The following SAMD12 variants were observed in gnomAD, a reference collection of about 807,000 sequenced individuals.
SAMD12 encodes the protein sterile alpha motif domain-containing protein 12.
SAMD12 carries 9 observed loss-of-function variants against 15.0 expected under a neutral mutation model. The observed-to-expected ratio is 0.60, with a 90% CI of 0.36 to 1.05. The LOEUF is 1.05. Ranked by LOEUF, SAMD12 falls within the 50% of genes least tolerant of loss-of-function variation. The pLI is 0.01. For missense variants in SAMD12, 230 were observed against 234.2 expected (o/e 0.98, Z 0.12); for synonymous variants, 86 against 90.1 (o/e 0.96, Z 0.25).
At chr8:118,547,523 C>T (rs1826166392) in intron 2 of SAMD12, among the ~76,000 whole-genome samples, 1 of 152,196 alleles carries the variant, frequency 6.6e-6, no homozygotes, top group South Asian at 2.1e-4. Context: ...CCCAAAGATT[C>T]TTGCACCTTA....
chr8:118,324,200 G>GA (rs1257685963), intron 4 of SAMD12, among the ~76,000 whole-genome samples: 3 of 152,162 alleles, frequency 2.0e-5, no homozygotes, highest in Admixed American at 6.5e-5. Flanking sequence ...TAATTCTCCA[G>GA]AAAAGATTTC....
chr8:118,461,904 C>G (rs1823435128), intron 2 of SAMD12, among the ~76,000 whole-genome samples: 1 of 152,172 alleles, frequency 6.6e-6, no homozygotes, highest in Admixed American at 6.5e-5. Flanking sequence ...TGCAATTCTA[C>G]TTTAAGGCCT....
At chr8:118,222,471 T>A (rs1208824342) in intron 4 of SAMD12, among the ~76,000 whole-genome samples, 1 of 152,182 alleles carries the variant, frequency 6.6e-6, no homozygotes, top group Non-Finnish European at 1.5e-5. Context: ...GATTTTATAA[T>A]AATCTAAAAT....
chr8:118,479,337 A>C (rs879673614), intron 2 of SAMD12, among the ~76,000 whole-genome samples: 4 of 152,184 alleles, frequency 2.6e-5, no homozygotes, highest in Non-Finnish European at 5.9e-5. Context: ...CAGAAGAAAA[A>C]TAGGTTGGAT....
intron 4 of SAMD12, among the ~76,000 whole-genome samples, chr8:118,341,629 G>T (rs1017199120): frequency 2.6e-5 from 4 of 152,110 alleles, no homozygotes; most frequent in Admixed American, 2.0e-4. Flanking sequence ...ACCTCTCCTT[G>T]TGTCTTTGCG....
chr8:118,415,994 CT>C (rs372293089), intron 3 of SAMD12, among the ~76,000 whole-genome samples: 111 of 151,654 alleles, frequency 7.3e-4, no homozygotes, highest in African/African-American at 2.5e-3. Context: ...GGCTTTCCCC[CT>C]TTTTTTTTCT....
chr8:118,336,502 T>C (rs1817073678), intron 4 of SAMD12, among the ~76,000 whole-genome samples: 2 of 152,224 alleles, frequency 1.3e-5, no homozygotes, highest in South Asian at 2.1e-4. Context: ...TGTGTCTTTA[T>C]AGCAGCATGA....
chr8:118,136,723 G>A, the SAMD12 span, among the ~76,000 whole-genome samples: 2 of 152,200 alleles, frequency 1.3e-5, no homozygotes, highest in African/African-American at 4.8e-5. Context: ...TCCCCTGGCT[G>A]AGCTGTAGAT....
chr8:118,579,123 T>A (rs997747328), intron 2 of SAMD12, among the ~76,000 whole-genome samples: 1 of 152,168 alleles, frequency 6.6e-6, no homozygotes. Context: ...ATATTACCAA[T>A]ATCTTTACAA....
chr8:118,346,700 G>C (rs1430525547), intron 4 of SAMD12, among the ~76,000 whole-genome samples: 6 of 152,220 alleles, frequency 3.9e-5, no homozygotes, highest in African/African-American at 1.2e-4. Flanking sequence ...TCATGGCTAA[G>C]ATTTACTATA....
At chr8:118,211,260 AAACGTAAGATAAAT>A (rs1250615200) in intron 4 of SAMD12, among the ~76,000 whole-genome samples, 1 of 152,210 alleles carries the variant, frequency 6.6e-6, no homozygotes, top group Non-Finnish European at 1.5e-5. Flanking sequence ...TAAACTAAAC[AAACGTAAGATAAAT>A]AATGAAGGAC....
intron 2 of SAMD12, among the ~76,000 whole-genome samples, chr8:118,458,831 T>G (rs574720409): frequency 3.9e-5 from 6 of 152,330 alleles, no homozygotes; most frequent in African/African-American, 1.4e-4. Flanking sequence ...AAGTTACTGT[T>G]ATTCGTTCAA....
chr8:118,462,995 G>A (rs184576363), intron 2 of SAMD12, among the ~76,000 whole-genome samples: 2,271 of 150,272 alleles, frequency 0.015, 17 homozygotes, highest in Middle Eastern at 0.028. Flanking sequence ...CAGCTACACA[G>A]GAGGCTGAGG....
intron 2 of SAMD12, among the ~76,000 whole-genome samples, chr8:118,568,466 G>T (rs1178120882): frequency 6.6e-6 from 1 of 152,186 alleles, no homozygotes; most frequent in African/African-American, 2.4e-5. Flanking sequence ...ATTTTGAGCA[G>T]AAGAGGGACA....
intron 1 of SAMD12, among the ~76,000 whole-genome samples, chr8:118,607,165 C>A (rs765193425): frequency 6.6e-6 from 1 of 152,110 alleles, no homozygotes; most frequent in Non-Finnish European, 1.5e-5. Flanking sequence ...AATAAGAAGT[C>A]ATTCTTTAAT....
the SAMD12 span, among the ~76,000 whole-genome samples, chr8:118,147,475 C>T: frequency 8.7e-4 from 131 of 151,090 alleles, no homozygotes; most frequent in African/African-American, 2.9e-3. Flanking sequence ...ACTCTCCTGT[C>T]TCAGCCTCCC....
At chr8:118,158,855 C>T in the SAMD12 span, among the ~76,000 whole-genome samples, 1 of 152,028 alleles carries the variant, frequency 6.6e-6, no homozygotes, top group African/African-American at 2.4e-5. Context: ...GAGAGCTGAA[C>T]AGACATTGAG....
intron 4 of SAMD12, among the ~76,000 whole-genome samples, chr8:118,289,448 T>C (rs1220081450): frequency 6.6e-6 from 1 of 152,202 alleles, no homozygotes; most frequent in African/African-American, 2.4e-5. Flanking sequence ...AAATGTTCTA[T>C]TTTCCAAATG....
intron 4 of SAMD12, among the ~76,000 whole-genome samples, chr8:118,200,773 G>A (rs1285019521): frequency 4.6e-5 from 7 of 152,188 alleles, no homozygotes; most frequent in Admixed American, 4.6e-4. Context: ...GGCTGTATGT[G>A]TAAGACACGT....
Sources: allele counts gnomAD v4.1 joint callset (sites outside exome capture counted in the v4.1 genomes callset), GRCh38; gene constraint gnomAD v4.1.1; transcripts MANE v1.5; gene names NCBI Gene and HGNC (gene_info 2026-07-23, HGNC 2026-07-21).